Variants in KDM4C observed in about 807,000 individuals in gnomAD.
KDM4C encodes lysine-specific demethylase 4C.
In KDM4C, 81 loss-of-function variants were observed where a neutral mutation model predicts 129.3. The observed-to-expected ratio is 0.63, with a 90% CI of 0.52 to 0.75. The LOEUF (loss-of-function observed/expected upper bound fraction) is 0.75, where lower values mean the gene tolerates loss of function less well. KDM4C is among the 30% of genes least tolerant of loss of function. KDM4C has a pLI of 0.00. For missense variants in KDM4C, 1,457 were observed against 1,304.0 expected (o/e 1.12, Z -1.81); for synonymous variants, 573 against 456.1 (o/e 1.26, Z -3.26).
intron 5 of KDM4C, among the ~76,000 whole-genome samples, chr9:6,869,933 CT>C (rs1418567995): frequency 6.6e-6 from 1 of 152,318 alleles, no homozygotes; most frequent in African/African-American, 2.4e-5. Flanking sequence ...AATGCTTAAT[CT>C]TTAATAAATG....
intron 17 of KDM4C, among the ~76,000 whole-genome samples, chr9:7,084,755 GTTGA>G (rs1834920006): frequency 6.6e-6 from 1 of 152,168 alleles, no homozygotes; most frequent in Admixed American, 6.5e-5. Context: ...CTGACATGTA[GTTGA>G]TTATTTTCAT....
intron 8 of KDM4C, among the ~76,000 whole-genome samples, chr9:6,913,162 T>C (rs892859504): frequency 2.0e-4 from 31 of 152,336 alleles, no homozygotes; most frequent in African/African-American, 6.5e-4. Flanking sequence ...CTAGTACTTA[T>C]TCTGGGATAA....
chr9:6,855,622 A>C (rs114654015), intron 5 of KDM4C, among the ~76,000 whole-genome samples: 2,460 of 150,452 alleles, frequency 0.016, 68 homozygotes, highest in African/African-American at 0.057. Context: ...CCCTCCCTCC[A>C]CTCTCTTCTA....
intron 17 of KDM4C, among the ~76,000 whole-genome samples, chr9:7,068,510 C>T (rs541504547): frequency 1.3e-5 from 2 of 152,172 alleles, no homozygotes; most frequent in Non-Finnish European, 2.9e-5. Context: ...AACCTGGGTT[C>T]ACCTGTCAAC....
At chr9:6,797,566 G>T (rs368665909) in intron 2 of KDM4C, among the ~76,000 whole-genome samples, 1 of 152,198 alleles carries the variant, frequency 6.6e-6, no homozygotes, top group Non-Finnish European at 1.5e-5. Context: ...TGTGGAAGGA[G>T]ATTATGATGA....
At chr9:6,880,160 C>T (rs1347875881) in intron 6 of KDM4C, 99 bp downstream of exon 6, 3 of 638,894 alleles carry the variant, frequency 4.7e-6, no homozygotes, top group South Asian at 2.3e-5. Flanking sequence ...TAGACCGTTA[C>T]TCTGTTGGTT....
chr9:7,174,522 C>T (rs747817309), intron 21 of KDM4C, 31 bp from the exon 22 acceptor site: 6 of 1,607,798 alleles, frequency 3.7e-6, no homozygotes, highest in Non-Finnish European at 5.1e-6. Flanking sequence ...AATGCCGTGC[C>T]CTTTTGCAAT....
intron 4 of KDM4C, among the ~76,000 whole-genome samples, chr9:6,816,149 G>C (rs368027122): frequency 1.8e-4 from 27 of 152,208 alleles, no homozygotes; most frequent in African/African-American, 5.3e-4. Flanking sequence ...CTGACTATCT[G>C]TCCCCAACAG....
At chr9:7,173,094 C>T (rs995075860) in intron 21 of KDM4C, among the ~76,000 whole-genome samples, 1 of 152,244 alleles carries the variant, frequency 6.6e-6, no homozygotes, top group Admixed American at 6.5e-5. Context: ...AAATTGGGTA[C>T]ACAGTCCCTA....
At chr9:7,091,955 T>C (rs1835856801) in intron 17 of KDM4C, among the ~76,000 whole-genome samples, 1 of 152,220 alleles carries the variant, frequency 6.6e-6, no homozygotes, top group African/African-American at 2.4e-5. Context: ...TGAAGTGTTA[T>C]TTGTTTAACG....
intron 4 of KDM4C, among the ~76,000 whole-genome samples, chr9:6,825,128 C>T (rs1410502471): frequency 3.2e-5 from 4 of 125,168 alleles, no homozygotes; most frequent in Non-Finnish European, 6.5e-5. Context: ...CCTGGGCAAC[C>T]AGAGTGAAAC....
At chr9:6,817,045 A>T (rs1296378378) in intron 4 of KDM4C, among the ~76,000 whole-genome samples, 1 of 152,110 alleles carries the variant, frequency 6.6e-6, no homozygotes, top group African/African-American at 2.4e-5. Flanking sequence ...GGATGGAATG[A>T]TGGCTATGTA....
chr9:7,129,835 AC>A (rs1840425698), intron 19 of KDM4C, among the ~76,000 whole-genome samples: 1 of 151,876 alleles, frequency 6.6e-6, no homozygotes, highest in African/African-American at 2.4e-5. Flanking sequence ...CATCCTCATA[AC>A]CCTACACACT....
chr9:7,153,591 G>A (rs982463495), intron 19 of KDM4C, among the ~76,000 whole-genome samples: 13 of 152,126 alleles, frequency 8.5e-5, no homozygotes, highest in Non-Finnish European at 1.8e-4. Flanking sequence ...GCATGGTGTG[G>A]GAAGTCCTCC....
chr9:6,988,898 A>G (rs7037888), intron 11 of KDM4C, among the ~76,000 whole-genome samples: 1 of 151,632 alleles, frequency 6.6e-6, no homozygotes, highest in East Asian at 2.0e-4. Context: ...ATCACTTTCT[A>G]TTCCTTTGTC....
rs889441079 is a variant in KDM4C at position 6,785,439 on chromosome 9, C to T, written c.-17-7533C>T. Among the ~76,000 whole-genome samples the T allele has an allele frequency of 1.6e-4, 25 of 152,026 alleles. No homozygotes were observed. In the East Asian group the frequency reaches 3.7e-3, roughly 22 times the overall value. On this transcript the variant is annotated intron_variant, in intron 1 of 21. Transcript: ENST00000381309. ...GCAAACTCTGCCTCCCGGGTTCAAGCGATTCTTCTGCCTCAGCCTCCCCAG... is the reference window on the plus strand; with the variant it reads ...GCAAACTCTGCCTCCCGGGTTCAAGTGATTCTTCTGCCTCAGCCTCCCCAG...
chr9:6,921,708 G>T (rs927689275), intron 8 of KDM4C, among the ~76,000 whole-genome samples: 12 of 152,038 alleles, frequency 7.9e-5, no homozygotes, highest in Non-Finnish European at 1.2e-4. Flanking sequence ...CCCCTTCCTA[G>T]CTTCCCATCT....
At chr9:7,088,301 T>A (rs1835386688) in intron 17 of KDM4C, among the ~76,000 whole-genome samples, 1 of 152,240 alleles carries the variant, frequency 6.6e-6, no homozygotes, top group Non-Finnish European at 1.5e-5. Context: ...TTTTGTTCAT[T>A]CACATTTAAG....
At chr9:6,878,789 A>G (rs1053208037) in intron 5 of KDM4C, among the ~76,000 whole-genome samples, 1 of 151,868 alleles carries the variant, frequency 6.6e-6, no homozygotes, top group Non-Finnish European at 1.5e-5. Flanking sequence ...TTTGGAAGGG[A>G]CATACCCCCA....
Sources: gnomAD v4.1 joint callset for allele counts (sites outside exome capture counted in the v4.1 genomes callset) on GRCh38, gnomAD v4.1.1 for gene constraint, MANE v1.5 for transcripts, NCBI Gene and HGNC (gene_info 2026-07-23, HGNC 2026-07-21) for gene names.